Variants in SERAC1 observed in about 807,000 individuals in gnomAD.
SERAC1 encodes the protein serine active site containing 1, also known as protein SERAC1.
A neutral mutation model predicts 85.7 loss-of-function variants in SERAC1; 36 were observed. The ratio of observed to expected loss-of-function variants is 0.42; its 90% CI spans 0.32 to 0.55. SERAC1 has a LOEUF of 0.55. Among genes scored for constraint, SERAC1 ranks in the 20% least tolerant of loss-of-function variants. SERAC1 has a pLI of 0.11. For missense variants in SERAC1, 629 were observed against 796.2 expected, an observed-to-expected ratio of 0.79 and a Z score of 2.53; for synonymous variants, 242 against 265.3, an observed-to-expected ratio of 0.91 and a Z score of 0.85.
chr6:158,114,598 A>G (rs978363713), intron 15 of SERAC1, 191 bp downstream of exon 15: 1 of 1,276,876 alleles, frequency 7.8e-7, no homozygotes, highest in African/African-American at 1.6e-5. Flanking sequence ...TGAGTAAATA[A>G]TGGCTTAAGA....
chr6:158,141,557 T>C (rs1784915911), intron 8 of SERAC1, among the ~76,000 whole-genome samples: 1 of 152,198 alleles, frequency 6.6e-6, no homozygotes, highest in Non-Finnish European at 1.5e-5. Flanking sequence ...CCACCAGCTC[T>C]ACCTTCATGA....
chr6:158,142,167 CT>C (rs894334989), intron 8 of SERAC1, among the ~76,000 whole-genome samples: 52 of 145,974 alleles, frequency 3.6e-4, no homozygotes, highest in South Asian at 6.5e-4. Flanking sequence ...TTTTTCTTTT[CT>C]TTTTTTTTTT....
intron 15 of SERAC1, 92 bp downstream of exon 15, chr6:158,114,697 G>A (rs572716566): frequency 2.5e-6 from 4 of 1,583,700 alleles, no homozygotes; most frequent in Non-Finnish European, 3.4e-6. Context: ...ATTATAAAAT[G>A]AGATAATACA....
intron 6 of SERAC1, chr6:158,145,860 A>C (rs1041738998): frequency 1.1e-4 from 16 of 152,090 alleles, no homozygotes; most frequent in Admixed American, 5.9e-4. Context: ...CATTTTTACA[A>C]GACAGCTCTA....
intron 1 of SERAC1, among the ~76,000 whole-genome samples, chr6:158,160,330 TCTGA>T (rs896416922): frequency 3.3e-5 from 5 of 152,220 alleles, no homozygotes; most frequent in African/African-American, 1.2e-4. Flanking sequence ...CTTTCATGGA[TCTGA>T]CTCTCTAGTG....
chr6:158,147,768 C>CAA (rs71027383), intron 5 of SERAC1, among the ~76,000 whole-genome samples: 1,484 of 68,834 alleles, frequency 0.022, 231 homozygotes, highest in African/African-American at 0.073. Context: ...GGCTCTGTCT[C>CAA]AAAAAAAAAA....
At chr6:158,140,457 G>A (rs1440346961) in intron 8 of SERAC1, among the ~76,000 whole-genome samples, 3 of 152,226 alleles carry the variant, frequency 2.0e-5, no homozygotes, top group African/African-American at 7.2e-5. Context: ...ACCCGGAGGG[G>A]CATGAAGGCT....
intron 8 of SERAC1, among the ~76,000 whole-genome samples, chr6:158,140,658 T>C (rs910954583): frequency 2.6e-5 from 4 of 152,150 alleles, no homozygotes; most frequent in African/African-American, 9.7e-5. Context: ...GGCTGGTTGA[T>C]CAGAAGCACA....
chr6:158,139,363 T>C (rs770341586), intron 8 of SERAC1, among the ~76,000 whole-genome samples: 6 of 152,190 alleles, frequency 3.9e-5, no homozygotes, highest in Non-Finnish European at 8.8e-5. Context: ...ATATAAAGAA[T>C]TCTTACAATT....
At chr6:158,144,256 C>A (rs2128420303) in intron 7 of SERAC1, 43 bp downstream of exon 7, 2 of 1,496,824 alleles carry the variant, frequency 1.3e-6, no homozygotes, top group African/African-American at 2.8e-5. Flanking sequence ...TATATTAAAC[C>A]ATTTTTCACT....
At position 158,143,325 on chromosome 6, in the gene SERAC1, CTCTCTCTCTCTCTCTCTCTCTCTA is replaced by C. The variant is rs1436327681; in HGVS notation, c.610-165_610-142del. On this transcript the variant is annotated intron_variant, in intron 7 of 16. Transcript: ENST00000647468. ...TGCATGTCTCTCTCTCTCTCTCTCT[CTCTCTCTCTCTCTCTCTCTCTCTA>C]TATATATATATATATATATATATAT... 3.1e-4 allele frequency: 63 copies of C among 204,386 alleles called. No homozygotes were observed. In the African/African-American group the frequency reaches 4.4e-3, roughly 14 times the overall value. 12.7% of individuals were successfully genotyped at this position (204,386 alleles called of 1,614,324 possible).
intron 7 of SERAC1, among the ~76,000 whole-genome samples, chr6:158,143,797 T>G (rs1293734452): frequency 6.6e-6 from 1 of 152,182 alleles, no homozygotes; most frequent in Non-Finnish European, 1.5e-5. Flanking sequence ...TCTATGGCAG[T>G]GTTTCTCAAC....
chr6:158,140,999 A>G (rs1316946036), intron 8 of SERAC1, among the ~76,000 whole-genome samples: 3 of 152,244 alleles, frequency 2.0e-5, no homozygotes, highest in Non-Finnish European at 4.4e-5. Context: ...GAATGTTCAT[A>G]GAAGTATTAT....
intron 8 of SERAC1, among the ~76,000 whole-genome samples, chr6:158,136,647 A>G (rs1583582108): frequency 6.6e-6 from 1 of 152,172 alleles, no homozygotes; most frequent in Non-Finnish European, 1.5e-5. Context: ...GGCATGGGCC[A>G]CTGTGCCCAG....
At chr6:158,157,142 G>C (rs1406648914) in intron 2 of SERAC1, among the ~76,000 whole-genome samples, 1 of 151,032 alleles carries the variant, frequency 6.6e-6, no homozygotes, top group East Asian at 1.9e-4. Flanking sequence ...GATTACAGGC[G>C]CCCACCACCA....
intron 1 of SERAC1, among the ~76,000 whole-genome samples, chr6:158,165,457 G>C (rs923969878): frequency 6.6e-6 from 1 of 151,960 alleles, no homozygotes; most frequent in African/African-American, 2.4e-5. Context: ...GCCCGGCCCA[G>C]TTCTTAATAT....
intron 15 of SERAC1, chr6:158,114,378 G>T: frequency 1.7e-6 from 1 of 592,874 alleles, no homozygotes; most frequent in Non-Finnish European, 2.1e-6. Context: ...AGGTGTTCCA[G>T]AGAGAAAACT....
At chr6:158,164,204 G>A (rs920047547) in intron 1 of SERAC1, among the ~76,000 whole-genome samples, 1 of 151,816 alleles carries the variant, frequency 6.6e-6, no homozygotes, top group Admixed American at 6.6e-5. Flanking sequence ...GGCCAGGCAC[G>A]GTGGCTCACG....
intron 3 of SERAC1, among the ~76,000 whole-genome samples, chr6:158,153,540 T>G (rs1401572158): frequency 1.3e-5 from 2 of 152,216 alleles, no homozygotes; most frequent in East Asian, 3.8e-4. Context: ...AAACCGTTTT[T>G]GCAAAAAGAT....
Sources: gnomAD v4.1 joint callset for allele counts (sites outside exome capture counted in the v4.1 genomes callset) on GRCh38, gnomAD v4.1.1 for gene constraint, MANE v1.5 for transcripts, NCBI Gene and HGNC (gene_info 2026-07-23, HGNC 2026-07-21) for gene names.